LAIR1: variants seen among roughly 807,000 people sequenced by gnomAD.
LAIR1 encodes leukocyte-associated immunoglobulin-like receptor 1.
Under a neutral mutation model 32.8 loss-of-function variants are expected in LAIR1, and 24 were observed. The observed-to-expected ratio is 0.73, with a 90% CI of 0.53 to 1.03. The LOEUF (loss-of-function observed/expected upper bound fraction) is 1.03. Among genes scored for constraint, LAIR1 ranks in the 50% least tolerant of loss-of-function variants. LAIR1 has a pLI of 0.00. For synonymous variants in LAIR1, 150 were observed against 140.5 expected (o/e 1.07, Z -0.48); for missense variants, 355 against 347.5 (o/e 1.02, Z -0.17).
At chr19:54,376,041 T>C in the LAIR1 span, among the ~76,000 whole-genome samples, 1 of 149,892 alleles carries the variant, frequency 6.7e-6, no homozygotes, top group Non-Finnish European at 1.5e-5. Flanking sequence ...CAACCTCCCC[T>C]AGAACCTTGG....
In LAIR1 at chr19:54,361,079, T is replaced by G. The variant is rs764907770; in HGVS notation, c.201A>C (p.Thr67=). The change falls in exon 3 of 10, where the codon ACA becomes ACC. Residue 67 remains threonine (T), a synonymous_variant. Transcript: ENST00000391742. ...GAGACACATCTTCAGTATCATTGTATGTGGATCTACTGTCCCTCTCCAGGC... is the reference window on the plus strand; with the variant it reads ...GAGACACATCTTCAGTATCATTGTAGGTGGATCTACTGTCCCTCTCCAGGC... ...TFRLERDSRS[T]YNDTEDVSQA... is the part of the protein sequence containing the mutation. 15 of 1,614,096 alleles carry G rather than the reference T, an allele frequency of 9.3e-6. No individual in the cohort carries two copies. In the Admixed American group the frequency reaches 2.5e-4, roughly 27 times the overall value.
rs1410284611 is a variant in LAIR1 at position 54,354,576 on chromosome 19, C to T, written c.*692G>A. ...TAAAAAGAAAACGCTGACACGTTTTCGTAAGTCCTGTTTCCCTCACTCAGC... is the reference window on the plus strand; with the variant it reads ...TAAAAAGAAAACGCTGACACGTTTTTGTAAGTCCTGTTTCCCTCACTCAGC... On this transcript the variant is annotated 3_prime_UTR_variant, in exon 10 of 10. Coordinates refer to ENST00000391742, the MANE Select transcript of LAIR1 (RefSeq NM_002287.6). 3 of 152,238 alleles carry T rather than the reference C, an allele frequency of 2.0e-5. No individual in the cohort carries two copies. The highest frequency in any genetic ancestry group is 4.4e-5 in the Non-Finnish European group (3 of 68,046). 9.4% of individuals were successfully genotyped at this position (152,238 alleles called of 1,614,324 possible). A position where few individuals can be genotyped will look rare whatever the true frequency, so the allele number is the denominator to read the frequency against.
chr19:54,356,346 G>A lies in LAIR1; in HGVS notation c.626+10C>T. ...GGTGGAGGTCCAGGAGTCATTCCCA[G>A]GGGCCTCACCTCTGCTGTGGCTTCT... On this transcript the variant is annotated intron_variant, in intron 7 of 9. Coordinates refer to ENST00000391742, the MANE Select transcript of LAIR1 (RefSeq NM_002287.6). 1 of 1,596,908 alleles carries A rather than the reference G, an allele frequency of 6.3e-7. No individual in the cohort carries two copies. The highest frequency in any genetic ancestry group is 8.5e-7 in the Non-Finnish European group (1 of 1,172,084).
Position 54,364,897 on chromosome 19 carries a change from G to A in LAIR1, c.-93C>T, listed in dbSNP as rs942542259. 104 of 1,609,126 alleles carry A rather than the reference G, an allele frequency of 6.5e-5. 1 individual carries two copies. The South Asian group carries it at 7.1e-4, about 11-fold the overall frequency. On this transcript the variant is annotated 5_prime_UTR_variant, in exon 1 of 10. Transcript: ENST00000391742. This position sits in a 1 kb window ranked among gnomAD's most constrained non-coding sequence, Gnocchi z 4.8. ...CACAAGCAGACAGGATGTGCTGCCC[G>A]GGGGCCTCCTGCCTATGGGGCTTCC...
At chr19:54,370,279 T>A (rs1298010464) in exon 1 of LAIR1, 12 of 1,544,808 alleles carry the variant, frequency 7.8e-6, no homozygotes, top group Non-Finnish European at 1.0e-5. Flanking sequence ...TCTTTCCATC[T>A]TCTGTCGCGG....
chr19:54,358,962 G>C (rs1331111967), intron 4 of LAIR1, among the ~76,000 whole-genome samples: 1 of 150,756 alleles, frequency 6.6e-6, no homozygotes, highest in Non-Finnish European at 1.5e-5. Context: ...AGAAGAGAGG[G>C]AGAGAAACAG....
chr19:54,355,405 C>A lies in LAIR1; in HGVS notation c.727G>T (p.Ala243Ser). 4.4e-6 allele frequency: 7 copies of A among 1,605,040 alleles called. No individual in the cohort carries two copies. Among genetic ancestry groups the A allele is most frequent in the Non-Finnish European group, 6.0e-6 (7 of 1,175,412 alleles). ...TACGTCACCTCCTGGGAACTCCCTG[C>A]AGCCAGGGCCTAAGAGGGAGAGACC... ...DRETDTSALA[A>S]GSSQEVTYAQ... Residue 243 changes from alanine (A) to serine (S), a missense_variant, in exon 10 of 10, where the codon GCA (alanine) becomes TCA (serine). Ala to Ser is a moderately conservative substitution (Grantham distance 99, BLOSUM62 1). Transcript: ENST00000391742. The surrounding 1 kb of genome is among the most constrained non-coding windows in gnomAD (Gnocchi z 4.7).
chr19:54,366,680 G>T (rs2082266460), upstream of LAIR1, among the ~76,000 whole-genome samples: 1 of 152,046 alleles, frequency 6.6e-6, no homozygotes, highest in Non-Finnish European at 1.5e-5. Context: ...AGCAGAGTCG[G>T]GGTTTCACCG....
chr19:54,358,504 A>T, intron 4 of LAIR1: 1 of 1,581,694 alleles, frequency 6.3e-7, no homozygotes, highest in Non-Finnish European at 8.7e-7. Context: ...CATGTATGGG[A>T]ATCAGTGCAT....
chr19:54,366,649 C>T (rs929202702), upstream of LAIR1, among the ~76,000 whole-genome samples: 18 of 152,188 alleles, frequency 1.2e-4, no homozygotes, highest in Admixed American at 2.0e-4. Flanking sequence ...CCACCACGCC[C>T]GGCTAATTTT....
intron 4 of LAIR1, among the ~76,000 whole-genome samples, chr19:54,358,888 G>A (rs187226060): frequency 1.3e-5 from 2 of 152,074 alleles, no homozygotes; most frequent in Admixed American, 6.5e-5. Context: ...GGCTGCAGGA[G>A]GGTCTGTCCT....
chr19:54,366,544 A>G (rs113623333), upstream of LAIR1, among the ~76,000 whole-genome samples: 2,355 of 143,118 alleles, frequency 0.016, 26 homozygotes, highest in Middle Eastern at 0.034. Context: ...GCTGGAGTGA[A>G]GCAGTGCGAT....
upstream of LAIR1, among the ~76,000 whole-genome samples, chr19:54,375,144 C>T (rs372672374): frequency 8.2e-4 from 125 of 152,338 alleles, 4 homozygotes; most frequent in South Asian, 0.025. Flanking sequence ...CTTGGGCAGA[C>T]AATGCCGTCC....
chr19:54,373,967 G>T (rs995686485), upstream of LAIR1, among the ~76,000 whole-genome samples: 4 of 152,186 alleles, frequency 2.6e-5, no homozygotes, highest in African/African-American at 9.7e-5. Context: ...GTCCAGAATT[G>T]TTGGCTATAA....
rs183729234 is a variant in LAIR1, at chr19:54,352,496, C to A, written c.*2772G>T. 1.3e-5 allele frequency: 2 copies of A among 153,788 alleles called. No individual in the cohort carries two copies. Among genetic ancestry groups the A allele is most frequent in the Admixed American group, 6.5e-5 (1 of 15,268 alleles). 9.5% of individuals were successfully genotyped at this position (153,788 alleles called of 1,614,324 possible). On this transcript the variant is annotated 3_prime_UTR_variant, in exon 10 of 10. Coordinates refer to ENST00000391742, the MANE Select transcript of LAIR1 (RefSeq NM_002287.6). The stretch of plus-strand genomic sequence containing the variant: ...AGTCAAGAGAAAAAACAAGCCCCTG[C>A]ATCTAATTTTCTGTCTTCTCTCTGG...
upstream of LAIR1, among the ~76,000 whole-genome samples, chr19:54,365,641 A>C (rs2082228165): frequency 6.6e-6 from 1 of 152,058 alleles, no homozygotes. Flanking sequence ...AAATACAAAA[A>C]ATTAGCTGGG....
chr19:54,356,182 AG>A, intron 8 of LAIR1, 47 bp downstream of exon 8: 1 of 1,558,526 alleles, frequency 6.4e-7, no homozygotes, highest in Non-Finnish European at 8.8e-7. Context: ...ATTGGCACCA[AG>A]TCCCCACTTC....
At chr19:54,375,519 C>T (rs1317932876), upstream of LAIR1, among the ~76,000 whole-genome samples, 1 of 152,202 alleles carries the variant, frequency 6.6e-6, no homozygotes, top group Non-Finnish European at 1.5e-5. Context: ...ATCATCCATA[C>T]GCCCGGCCCG....
chr19:54,374,219 G>A (rs2082465258), upstream of LAIR1, among the ~76,000 whole-genome samples: 1 of 152,070 alleles, frequency 6.6e-6, no homozygotes, highest in African/African-American at 2.4e-5. Context: ...TGGACCATGT[G>A]GGGTGATTGA....
Sources: gnomAD v4.1 joint callset for allele counts (sites outside exome capture counted in the v4.1 genomes callset) on GRCh38, gnomAD v4.1.1 for gene constraint, Gnocchi (gnomAD v3.1) non-coding constraint, MANE v1.5 for transcripts, NCBI Gene and HGNC (gene_info 2026-07-23, HGNC 2026-07-21) for gene names.